Variants in NSD2 observed in about 807,000 individuals in gnomAD.
NSD2 encodes the protein histone-lysine N-methyltransferase NSD2.
Under a neutral mutation model 139.0 loss-of-function variants are expected in NSD2, and 12 were observed. The ratio of observed to expected loss-of-function variants is 0.09; its 90% CI spans 0.06 to 0.14. The LOEUF is 0.14. NSD2 is among the 10% of genes least tolerant of loss of function. The probability of loss-of-function intolerance (pLI) is 1.00; values close to 1 mark genes in which losing one functional copy is unlikely to be tolerated. For missense variants in NSD2, 1,155 were observed against 1,745.0 expected (o/e 0.66, Z 6.02); for synonymous variants, 669 against 648.7 (o/e 1.03, Z -0.48).
intron 1 of NSD2, among the ~76,000 whole-genome samples, chr4:1,898,440 GGA>G (rs1350770514): frequency 6.6e-6 from 1 of 152,090 alleles, no homozygotes; most frequent in Non-Finnish European, 1.5e-5. Context: ...CAAGGCGGGC[GGA>G]TCACGAAGTC....
intron 21 of NSD2, among the ~76,000 whole-genome samples, chr4:1,978,366 C>G (rs1727344232): frequency 6.6e-6 from 1 of 152,170 alleles, no homozygotes; most frequent in South Asian, 2.1e-4. Flanking sequence ...GGGGACACTC[C>G]TGCACCCGGC....
At chr4:1,962,490 C>T (rs968849923) in intron 18 of NSD2, among the ~76,000 whole-genome samples, 1 of 152,214 alleles carries the variant, frequency 6.6e-6, no homozygotes. Flanking sequence ...GGTCAGATGT[C>T]AGATATTCGT....
At chr4:1,914,900 C>T (rs1371347792) in intron 3 of NSD2, among the ~76,000 whole-genome samples, 1 of 152,080 alleles carries the variant, frequency 6.6e-6, no homozygotes, top group Non-Finnish European at 1.5e-5. Flanking sequence ...TGCAGTGGGA[C>T]ACTTAGGACT....
chr4:1,879,462 G>A (rs530375711), intron 1 of NSD2, among the ~76,000 whole-genome samples: 38 of 152,140 alleles, frequency 2.5e-4, no homozygotes, highest in Non-Finnish European at 4.0e-4. Flanking sequence ...CTTGTGATCC[G>A]CCCGCCTCGG....
intron 1 of NSD2, among the ~76,000 whole-genome samples, chr4:1,875,638 C>G (rs1407748168): frequency 1.3e-5 from 2 of 152,164 alleles, no homozygotes; most frequent in African/African-American, 4.8e-5. Context: ...TGCAGTGGCT[C>G]ACGCCTGTAA....
rs577314816 is a variant in NSD2 at position 1,946,394 on chromosome 4, A to C, written c.1882-4678A>C. The C allele has an allele frequency of 5.1e-4, 223 of 436,034 alleles. 1 individual carries two copies. The highest frequency in any genetic ancestry group is 4.5e-3 in the African/African-American group (211 of 46,832). 27.0% of individuals were successfully genotyped at this position (436,034 alleles called of 1,614,324 possible). ...GCAATTCTTCTGCCTCAGCCTCCCG[A>C]GTAGCTGGGACTACAAGCGGCTGCC... On this transcript the variant is annotated intron_variant, in intron 9 of 21. Transcript: ENST00000508803.
chr4:1,910,660 G>A (rs1035112934), intron 3 of NSD2, among the ~76,000 whole-genome samples: 1 of 152,128 alleles, frequency 6.6e-6, no homozygotes, highest in African/African-American at 2.4e-5. Context: ...TAAAAATATT[G>A]CAGGTAATCT....
intron 3 of NSD2, among the ~76,000 whole-genome samples, chr4:1,914,999 A>G (rs879175264): frequency 4.0e-5 from 6 of 151,238 alleles, no homozygotes; most frequent in Admixed American, 2.6e-4. Flanking sequence ...AACCTCCTAG[A>G]TTGATCTTAC....
At chr4:1,888,021 C>T (rs1170346759) in intron 1 of NSD2, among the ~76,000 whole-genome samples, 1 of 152,048 alleles carries the variant, frequency 6.6e-6, no homozygotes, top group Non-Finnish European at 1.5e-5. Flanking sequence ...TGCGATGGAC[C>T]ATCTGTTTTT....
At chr4:1,891,708 T>C (rs1387773884) in intron 1 of NSD2, among the ~76,000 whole-genome samples, 1 of 151,540 alleles carries the variant, frequency 6.6e-6, no homozygotes, top group Non-Finnish European at 1.5e-5. Context: ...AAAATAAAAA[T>C]TAGCCGGGCG....
chr4:1,978,621 C>T lies in NSD2; in HGVS notation c.3827-17C>T. The T allele has an allele frequency of 6.3e-6, 10 of 1,593,428 alleles. No individual in the cohort carries two copies. The highest frequency in any genetic ancestry group is 8.6e-6 in the Non-Finnish European group (10 of 1,165,402). On this transcript the variant is annotated splice_polypyrimidine_tract_variant and intron_variant, in intron 21 of 21. Transcript: ENST00000508803. ...TTCCATCACTTCTGTGTGCTCACAT[C>T]TTGTGTTCTGTTGCAGGGAAGTGGG...
intron 11 of NSD2, chr4:1,952,906 A>G: frequency 7.2e-7 from 1 of 1,396,812 alleles, no homozygotes; most frequent in Non-Finnish European, 9.3e-7. Flanking sequence ...CTCCCAGGCC[A>G]TGGCAGCCCC....
At position 1,951,005 on chromosome 4, in the gene NSD2, C is replaced by T; in HGVS notation, c.1882-67C>T. 5.0e-6 allele frequency: 8 copies of T among 1,591,128 alleles called. 1 individual carries two copies. In the South Asian group the frequency reaches 9.1e-5, roughly 18 times the overall value. ...GTGGGGTGGGGCGGGACGAGCCTGCCTGCAGGGCATGGCCACCCGCTGTGT... is the reference window on the plus strand; with the variant it reads ...GTGGGGTGGGGCGGGACGAGCCTGCTTGCAGGGCATGGCCACCCGCTGTGT... On this transcript the variant is annotated intron_variant, in intron 9 of 21. Transcript: ENST00000508803.
rs532851879 is a variant in NSD2 at position 1,905,187 on chromosome 4, A to C, written c.760+809A>C. 9.2e-5 allele frequency among the ~76,000 whole-genome samples: 14 copies of C among 152,350 alleles called. No homozygotes were observed. The East Asian group carries it at 2.5e-3, about 27-fold the overall frequency. On this transcript the variant is annotated intron_variant, in intron 3 of 21. Coordinates refer to ENST00000508803, the MANE Select transcript of NSD2 (RefSeq NM_001042424.3). ...ATACAGAGCAAATAATGGTTGGTCA[A>C]CCCATAAATGTGTTTTTAGAGGAAT...
intron 18 of NSD2, among the ~76,000 whole-genome samples, chr4:1,969,183 G>A (rs1726180661): frequency 6.6e-6 from 1 of 152,178 alleles, no homozygotes; most frequent in Non-Finnish European, 1.5e-5. Flanking sequence ...GGGAGCTCCT[G>A]GGAAGAAGAG....
chr4:1,900,008 A>C (rs1056838600), intron 1 of NSD2, among the ~76,000 whole-genome samples: 2 of 151,612 alleles, frequency 1.3e-5, no homozygotes, highest in Non-Finnish European at 2.9e-5. Flanking sequence ...ACCCTTGGAG[A>C]CTCTTGGCTT....
intron 2 of NSD2, among the ~76,000 whole-genome samples, chr4:1,901,625 C>A (rs1373468816): frequency 6.6e-6 from 1 of 152,206 alleles, no homozygotes; most frequent in African/African-American, 2.4e-5. Flanking sequence ...TGTTCTTTAG[C>A]CTGATGTGGT....
intron 5 of NSD2, among the ~76,000 whole-genome samples, chr4:1,927,797 A>T (rs1553870247): frequency 6.7e-6 from 1 of 149,152 alleles, no homozygotes; most frequent in Non-Finnish European, 1.5e-5. Flanking sequence ...TAATCTGAAG[A>T]CTCTAATTTG....
At chr4:1,906,803 G>A (rs1434099090) in intron 3 of NSD2, among the ~76,000 whole-genome samples, 1 of 151,634 alleles carries the variant, frequency 6.6e-6, no homozygotes. Flanking sequence ...TGGGATTATA[G>A]GTGTGTGCCA....
Sources: allele counts gnomAD v4.1 joint callset (sites outside exome capture counted in the v4.1 genomes callset), GRCh38; gene constraint gnomAD v4.1.1; transcripts MANE v1.5; gene names NCBI Gene and HGNC (gene_info 2026-07-23, HGNC 2026-07-21).